CPD: variants seen among roughly 807,000 people sequenced by gnomAD.
CPD encodes the protein carboxypeptidase D.
CPD carries 69 observed loss-of-function variants against 138.3 expected under a neutral mutation model. The ratio of observed to expected loss-of-function variants is 0.50; its 90% CI spans 0.41 to 0.61. The LOEUF (loss-of-function observed/expected upper bound fraction) is 0.61. CPD is among the 20% of genes least tolerant of loss of function. The pLI, the probability that CPD is intolerant of heterozygous loss-of-function variation, is 0.00. For synonymous variants in CPD, 651 were observed against 642.1 expected (o/e 1.01, Z -0.21); for missense variants, 1,432 against 1,733.3 (o/e 0.83, Z 3.09).
intron 7 of CPD, among the ~76,000 whole-genome samples, chr17:30,428,618 T>C (rs1241959339): frequency 6.6e-6 from 1 of 152,178 alleles, no homozygotes; most frequent in Non-Finnish European, 1.5e-5. Context: ...TATTTTTTTC[T>C]TTATCAAGTT....
chr17:30,430,950 C>T (rs903544141), intron 7 of CPD, among the ~76,000 whole-genome samples: 3 of 152,174 alleles, frequency 2.0e-5, no homozygotes. Flanking sequence ...AACTACTGTA[C>T]GCAGCCCCTG....
At chr17:30,439,201 A>T in intron 9 of CPD, 124 bp downstream of exon 9, 1 of 561,218 alleles carries the variant, frequency 1.8e-6, no homozygotes, top group South Asian at 2.4e-5. Flanking sequence ...TGGTTTAAAT[A>T]GTTTAAAATA....
At chr17:30,457,485 C>T (rs1187594161) in intron 17 of CPD, among the ~76,000 whole-genome samples, 1 of 152,112 alleles carries the variant, frequency 6.6e-6, no homozygotes, top group Non-Finnish European at 1.5e-5. Flanking sequence ...GTATCTGTCA[C>T]TTCTTTGGGG....
At chr17:30,411,238 G>A (rs551536743) in intron 2 of CPD, among the ~76,000 whole-genome samples, 7 of 152,288 alleles carry the variant, frequency 4.6e-5, no homozygotes, top group Admixed American at 6.5e-5. Flanking sequence ...CTGTTAGTCC[G>A]ATGGGCTTCC....
chr17:30,388,752 C>T (rs560603368), intron 2 of CPD, among the ~76,000 whole-genome samples: 2 of 152,276 alleles, frequency 1.3e-5, no homozygotes, highest in African/African-American at 4.8e-5. Flanking sequence ...CCTCGCTGGG[C>T]CTGGGCCAGT....
chr17:30,466,498 T>C lies in CPD; in HGVS notation c.*1684T>C, dbSNP rs1913642285. The C allele has an allele frequency of 6.6e-6, 1 of 152,638 alleles. No individual in the cohort carries two copies. Among genetic ancestry groups the C allele is most frequent in the Non-Finnish European group, 1.5e-5 (1 of 68,012 alleles). The allele number at this position is 152,638 out of a possible 1,614,324, so 9.5% of individuals were successfully genotyped here. ...AGGTTAAGCCATTCTGGTATTCTGG[T>C]ATTAGCAACTGTAAATTCTGCCACC... On this transcript the variant is annotated 3_prime_UTR_variant, in exon 21 of 21. Transcript: ENST00000225719.
At chr17:30,418,199 C>G (rs62068724) in intron 2 of CPD, among the ~76,000 whole-genome samples, 1 of 151,056 alleles carries the variant, frequency 6.6e-6, no homozygotes, top group Non-Finnish European at 1.5e-5. Context: ...TTTTTTTTTC[C>G]AAGATAGGTC....
rs575468830 is a variant in CPD at position 30,467,686 on chromosome 17, T to C, written c.*2872T>C. On this transcript the variant is annotated 3_prime_UTR_variant, in exon 21 of 21. Transcript: ENST00000225719. The stretch of plus-strand genomic sequence containing the variant: ...GAGTTGACAAATAAATAAAAGGTAG[T>C]GTTTATGTCTGAGCTTATTGTGTTT... The C allele has an allele frequency of 3.3e-5, 5 of 152,328 alleles. No homozygotes were observed. Among genetic ancestry groups the C allele is most frequent in the African/African-American group, 1.2e-4 (5 of 41,582 alleles). 9.4% of individuals were successfully genotyped at this position (152,328 alleles called of 1,614,324 possible). A position where few individuals can be genotyped will look rare whatever the true frequency, so the allele number is the denominator to read the frequency against.
At chr17:30,397,760 A>G (rs913408721) in intron 2 of CPD, among the ~76,000 whole-genome samples, 6 of 150,404 alleles carry the variant, frequency 4.0e-5, no homozygotes, top group East Asian at 1.9e-4. Context: ...AAAAAAAAAA[A>G]AAGAAGATAT....
At chr17:30,435,520 T>C (rs1283917238) in intron 8 of CPD, among the ~76,000 whole-genome samples, 1 of 152,010 alleles carries the variant, frequency 6.6e-6, no homozygotes, top group Non-Finnish European at 1.5e-5. Flanking sequence ...TTAAAATAGG[T>C]CATAAACCTA....
chr17:30,446,085 T>C, intron 12 of CPD, 65 bp downstream of exon 12: 1 of 1,109,022 alleles, frequency 9.0e-7, no homozygotes, highest in Non-Finnish European at 1.3e-6. Context: ...TTAGCCATGT[T>C]GAATAGTTGT....
intron 12 of CPD, among the ~76,000 whole-genome samples, chr17:30,448,471 A>G (rs907065876): frequency 1.3e-5 from 2 of 152,264 alleles, no homozygotes; most frequent in Non-Finnish European, 2.9e-5. Context: ...TTCTCAAAAT[A>G]TGCCACACAT....
chr17:30,414,884 G>T (rs1912064977), intron 2 of CPD, among the ~76,000 whole-genome samples: 1 of 152,210 alleles, frequency 6.6e-6, no homozygotes, highest in South Asian at 2.1e-4. Context: ...TGATATCCAA[G>T]TAAAGATTTT....
intron 13 of CPD, among the ~76,000 whole-genome samples, chr17:30,451,472 C>A (rs1441274784): frequency 1.3e-5 from 2 of 152,182 alleles, no homozygotes; most frequent in African/African-American, 4.8e-5. Flanking sequence ...AGTGGTTTCT[C>A]ACCCCTGTTC....
chr17:30,412,160 C>G (rs911044300), intron 2 of CPD, among the ~76,000 whole-genome samples: 13 of 152,174 alleles, frequency 8.5e-5, no homozygotes, highest in African/African-American at 2.4e-4. Context: ...CACTCCGGAC[C>G]CTGTTTGCCT....
intron 11 of CPD, 112 bp downstream of exon 11, chr17:30,444,083 T>C: frequency 9.4e-7 from 1 of 1,062,860 alleles, no homozygotes; most frequent in Non-Finnish European, 1.4e-6. Flanking sequence ...TTGAATGGAT[T>C]GCTGCGAAGT....
intron 15 of CPD, 52 bp from the exon 16 acceptor site, chr17:30,456,204 G>GA (rs1208929663): frequency 1.4e-6 from 2 of 1,451,074 alleles, no homozygotes; most frequent in Non-Finnish European, 1.9e-6. Flanking sequence ...TAACTTGGGG[G>GA]AAAAAAATCA....
At chr17:30,438,447 T>C (rs1006098649) in intron 8 of CPD, among the ~76,000 whole-genome samples, 1 of 152,164 alleles carries the variant, frequency 6.6e-6, no homozygotes, top group Non-Finnish European at 1.5e-5. Flanking sequence ...ACAAACTGTT[T>C]CAAGGAATAG....
At chr17:30,418,651 C>T (rs552165098) in intron 2 of CPD, among the ~76,000 whole-genome samples, 6 of 152,344 alleles carry the variant, frequency 3.9e-5, no homozygotes, top group Admixed American at 2.0e-4. Context: ...TGCTGTACAA[C>T]ATTCACCACT....
Sources: gnomAD v4.1 joint callset for allele counts (sites outside exome capture counted in the v4.1 genomes callset) on GRCh38, gnomAD v4.1.1 for gene constraint, MANE v1.5 for transcripts, NCBI Gene and HGNC (gene_info 2026-07-23, HGNC 2026-07-21) for gene names.